The following OSBP2 variants were observed in gnomAD, a reference collection of about 807,000 sequenced individuals.
OSBP2 encodes the protein oxysterol-binding protein 2.
In OSBP2, 66 loss-of-function variants were observed where a neutral mutation model predicts 96.0. The ratio of observed to expected loss-of-function variants is 0.69; its 90% CI spans 0.56 to 0.84. The LOEUF (loss-of-function observed/expected upper bound fraction) is 0.84. Among genes scored for constraint, OSBP2 ranks in the 40% least tolerant of loss-of-function variants. The pLI, the probability that OSBP2 is intolerant of heterozygous loss-of-function variation, is 0.00. For synonymous variants in OSBP2, 525 were observed against 520.9 expected, an observed-to-expected ratio of 1.01 and a Z score of -0.11; for missense variants, 1,038 against 1,222.7, an observed-to-expected ratio of 0.85 and a Z score of 2.25.
At chr22:30,797,736 C>T (rs991376116) in intron 2 of OSBP2, among the ~76,000 whole-genome samples, 2 of 151,936 alleles carry the variant, frequency 1.3e-5, no homozygotes, top group South Asian at 2.1e-4. Context: ...GGACTACAGG[C>T]GCCAGCCACC....
At chr22:30,806,675 C>G (rs1490617924) in intron 2 of OSBP2, among the ~76,000 whole-genome samples, 1 of 152,136 alleles carries the variant, frequency 6.6e-6, no homozygotes. Context: ...ATGGACTGCT[C>G]CTCAGTGCCT....
intron 1 of OSBP2, among the ~76,000 whole-genome samples, chr22:30,712,026 C>T (rs1167841792): frequency 6.6e-6 from 1 of 152,150 alleles, no homozygotes; most frequent in Non-Finnish European, 1.5e-5. Context: ...TGCAGGCCAA[C>T]ACTGGTGTAA....
At chr22:30,786,963 T>C (rs2090598675) in intron 2 of OSBP2, among the ~76,000 whole-genome samples, 1 of 152,056 alleles carries the variant, frequency 6.6e-6, no homozygotes, top group Non-Finnish European at 1.5e-5. Context: ...CACACCAGGC[T>C]AATTTTTTGT....
chr22:30,787,864 A>C (rs1274072268), intron 2 of OSBP2, among the ~76,000 whole-genome samples: 3 of 152,092 alleles, frequency 2.0e-5, no homozygotes, highest in Non-Finnish European at 4.4e-5. Context: ...TGTTAGCTGG[A>C]GCCTGGTACT....
At chr22:30,895,059 G>T (rs529419478) in intron 12 of OSBP2, among the ~76,000 whole-genome samples, 3 of 152,260 alleles carry the variant, frequency 2.0e-5, no homozygotes, top group East Asian at 3.9e-4. Flanking sequence ...CAAGAATAAC[G>T]TGGGGTACAA....
At position 30,748,973 on chromosome 22, in the gene OSBP2, G is replaced by A. The variant is rs564533948; in HGVS notation, c.853+7604G>A. 7.2e-4 allele frequency among the ~76,000 whole-genome samples: 109 copies of A among 152,224 alleles called. 1 individual carries two copies. Among genetic ancestry groups the A allele is most frequent in the Admixed American group, 7.1e-3 (109 of 15,290 alleles). On this transcript the variant is annotated intron_variant, in intron 2 of 13. Transcript: ENST00000332585. ...TGTAATAAAAATACAAAAATTAGCT[G>A]GGCATAGTAGCGCACGCCTGTAATC... is the stretch of plus-strand genomic sequence containing the variant.
At chr22:30,783,434 C>T (rs2090547181) in intron 2 of OSBP2, among the ~76,000 whole-genome samples, 1 of 148,624 alleles carries the variant, frequency 6.7e-6, no homozygotes, top group South Asian at 2.1e-4. Context: ...AGCGATTCTC[C>T]TGCCTCAGTC....
chr22:30,713,167 C>T (rs764851360), intron 1 of OSBP2, among the ~76,000 whole-genome samples: 2 of 151,270 alleles, frequency 1.3e-5, no homozygotes, highest in African/African-American at 2.4e-5. Context: ...CAAGCTCCGC[C>T]TCCTGGGTTC....
chr22:30,748,345 A>G (rs2090033054), intron 2 of OSBP2, among the ~76,000 whole-genome samples: 1 of 152,150 alleles, frequency 6.6e-6, no homozygotes, highest in African/African-American at 2.4e-5. Context: ...TGCTGGGATT[A>G]CAGGTGTGAC....
intron 3 of OSBP2, among the ~76,000 whole-genome samples, chr22:30,880,355 G>A (rs1353986765): frequency 6.6e-6 from 1 of 152,220 alleles, no homozygotes; most frequent in Non-Finnish European, 1.5e-5. Context: ...TGCCTGGCAG[G>A]TCCTGGACCA....
intron 1 of OSBP2, among the ~76,000 whole-genome samples, 160 bp from the exon 2 acceptor site, chr22:30,741,001 C>T (rs1235038424): frequency 2.6e-5 from 4 of 152,144 alleles, no homozygotes; most frequent in Non-Finnish European, 2.9e-5. Flanking sequence ...AACCAAGCCA[C>T]GACCAGGCAG....
intron 2 of OSBP2, among the ~76,000 whole-genome samples, chr22:30,798,975 T>G (rs1004704247): frequency 2.0e-5 from 3 of 150,926 alleles, no homozygotes; most frequent in Non-Finnish European, 4.4e-5. Flanking sequence ...GATTGTGCCA[T>G]TGCACTCCAG....
chr22:30,736,031 A>C (rs2089849482), intron 1 of OSBP2, among the ~76,000 whole-genome samples: 1 of 152,084 alleles, frequency 6.6e-6, no homozygotes, highest in South Asian at 2.1e-4. Context: ...TTCATGCCTC[A>C]GCCTCCCGAG....
At chr22:30,819,535 T>C (rs1304285808) in intron 2 of OSBP2, among the ~76,000 whole-genome samples, 1 of 152,180 alleles carries the variant, frequency 6.6e-6, no homozygotes, top group African/African-American at 2.4e-5. Flanking sequence ...GCAGCTAATA[T>C]ATTTTCTTTA....
intron 2 of OSBP2, among the ~76,000 whole-genome samples, chr22:30,830,410 G>T (rs527812131): frequency 1.3e-4 from 20 of 152,232 alleles, no homozygotes; most frequent in African/African-American, 4.8e-4. Context: ...GCTGCCTGCC[G>T]CATCCTGACC....
intron 4 of OSBP2, 147 bp from the exon 5 acceptor site, chr22:30,888,076 G>A: frequency 1.5e-6 from 1 of 668,164 alleles, no homozygotes; most frequent in Non-Finnish European, 2.7e-6. Flanking sequence ...GGTGGCCGCA[G>A]CCCAGGGAAT....
At chr22:30,831,636 A>G (rs1234358200) in intron 2 of OSBP2, among the ~76,000 whole-genome samples, 2 of 152,140 alleles carry the variant, frequency 1.3e-5, no homozygotes, top group East Asian at 3.8e-4. Flanking sequence ...GACAGCTGAG[A>G]ATTAAATCAA....
chr22:30,821,119 C>T (rs1274572385), intron 2 of OSBP2, among the ~76,000 whole-genome samples: 1 of 152,124 alleles, frequency 6.6e-6, no homozygotes, highest in Non-Finnish European at 1.5e-5. Flanking sequence ...GTCCCAGGGC[C>T]CAGAGTCTGT....
chr22:30,738,677 C>T (rs569604945), intron 1 of OSBP2, among the ~76,000 whole-genome samples: 1 of 152,176 alleles, frequency 6.6e-6, no homozygotes, highest in East Asian at 1.9e-4. Flanking sequence ...TCTCCTGCCT[C>T]AGCCATCCGA....
Sources: allele counts gnomAD v4.1 joint callset (sites outside exome capture counted in the v4.1 genomes callset), GRCh38; gene constraint gnomAD v4.1.1; transcripts MANE v1.5; gene names NCBI Gene and HGNC (gene_info 2026-07-23, HGNC 2026-07-21).